The following AJAP1 variants were observed in gnomAD, a reference collection of about 807,000 sequenced individuals.
AJAP1 encodes the protein adherens junctions associated protein 1.
A neutral mutation model predicts 35.0 loss-of-function variants in AJAP1; 5 were observed. The observed-to-expected ratio is 0.14, with a 90% confidence interval of 0.07 to 0.30. AJAP1 has a LOEUF of 0.30. Ranked by LOEUF, AJAP1 falls within the 10% of genes least tolerant of loss-of-function variation. The pLI is 1.00. For missense variants in AJAP1, 586 were observed against 571.0 expected (o/e 1.03, Z -0.27); for synonymous variants, 284 against 249.3 (o/e 1.14, Z -1.31).
In AJAP1 at chr1:4,786,596, C is replaced by A. The variant is rs978705068; in HGVS notation, c.*4111C>A. ...AGGCCATATTGAAAGGTGAACGCAC[C>A]AAAGGATCGACCCTGTCACCTTGGA... is the stretch of plus-strand genomic sequence containing the variant. On this transcript the variant is annotated 3_prime_UTR_variant, in exon 6 of 6. Coordinates refer to ENST00000378191, the MANE Select transcript of AJAP1 (RefSeq NM_018836.4). 3.3e-5 allele frequency: 5 copies of A among 152,196 alleles called. No individual in the cohort carries two copies. Among genetic ancestry groups the A allele is most frequent in the Admixed American group, 6.5e-5 (1 of 15,270 alleles). 9.4% of individuals were successfully genotyped at this position (152,196 alleles called of 1,614,324 possible). A position where few individuals can be genotyped will look rare whatever the true frequency, so the allele number is the denominator to read the frequency against.
At chr1:4,688,771 CAAAAAA>C (rs5772177) in intron 1 of AJAP1, among the ~76,000 whole-genome samples, 5 of 87,950 alleles carry the variant, frequency 5.7e-5, no homozygotes, top group East Asian at 3.3e-4. Flanking sequence ...GACTCCGTCT[CAAAAAA>C]AAAAAAAAAA....
chr1:4,697,517 C>T (rs113145806), intron 1 of AJAP1, among the ~76,000 whole-genome samples: 5,685 of 152,324 alleles, frequency 0.037, 347 homozygotes, highest in African/African-American at 0.13. Context: ...GACAACTCTT[C>T]CCAGTCCTCT....
intron 5 of AJAP1, among the ~76,000 whole-genome samples, chr1:4,776,694 C>T (rs1468523995): frequency 6.6e-5 from 10 of 152,216 alleles, no homozygotes; most frequent in Admixed American, 6.5e-4. Flanking sequence ...GTGGGCTAGC[C>T]CTGTGCTGCA....
rs1570225125 is a variant in AJAP1, at chr1:4,772,398, A to G, written c.1036A>G (p.Ile346Val). ...PSARVPSSLD[I>V]FTAYNETLQC... is the part of the protein sequence containing the mutation. ...GGCCCGGGTGCCCAGCAGCCTGGAC[A>G]TATTCACGGCCTATAACGAGACCCT... The change falls in exon 4 of 6, where the codon ATA becomes GTA. Residue 346 changes from isoleucine (I) to valine (V), a missense_variant. Coordinates refer to ENST00000378191, the MANE Select transcript of AJAP1 (RefSeq NM_018836.4). 2 of 1,614,244 alleles carry G rather than the reference A, an allele frequency of 1.2e-6. No individual in the cohort carries two copies. The highest frequency in any genetic ancestry group is 1.7e-5 in the Admixed American group (1 of 60,024).
At chr1:4,766,412 C>G (rs921368358) in intron 2 of AJAP1, among the ~76,000 whole-genome samples, 1 of 152,244 alleles carries the variant, frequency 6.6e-6, no homozygotes, top group Non-Finnish European at 1.5e-5. Flanking sequence ...AAACACCACA[C>G]GACTTCTCCC....
intron 1 of AJAP1, among the ~76,000 whole-genome samples, chr1:4,691,857 C>G (rs1000816060): frequency 6.6e-6 from 1 of 152,164 alleles, no homozygotes; most frequent in African/African-American, 2.4e-5. Flanking sequence ...GCAGGGAGCC[C>G]TGCCTCTTCC....
intron 1 of AJAP1, among the ~76,000 whole-genome samples, chr1:4,683,566 A>T (rs1639535099): frequency 1.3e-5 from 2 of 152,372 alleles, no homozygotes; most frequent in East Asian, 3.9e-4. Flanking sequence ...TCAGGAAAGC[A>T]AAGAAATGTA....
At chr1:4,727,475 G>A (rs1016289614) in intron 2 of AJAP1, among the ~76,000 whole-genome samples, 4 of 152,222 alleles carry the variant, frequency 2.6e-5, no homozygotes, top group African/African-American at 9.6e-5. Flanking sequence ...CGCTGACCCC[G>A]TCTGTGTCTG....
At chr1:4,722,058 A>G (rs1049337284) in intron 2 of AJAP1, among the ~76,000 whole-genome samples, 1 of 152,194 alleles carries the variant, frequency 6.6e-6, no homozygotes, top group Non-Finnish European at 1.5e-5. Flanking sequence ...CGTCTGCCAC[A>G]CCAGCTGGGA....
chr1:4,696,622 C>T (rs1639866138), intron 1 of AJAP1, among the ~76,000 whole-genome samples: 1 of 152,230 alleles, frequency 6.6e-6, no homozygotes, highest in African/African-American at 2.4e-5. Flanking sequence ...ATTTCACAGC[C>T]AGGCTGCAGA....
chr1:4,731,120 G>A (rs930349062), intron 2 of AJAP1, among the ~76,000 whole-genome samples: 7 of 151,970 alleles, frequency 4.6e-5, no homozygotes, highest in South Asian at 2.1e-4. Flanking sequence ...TTGCTCTGTC[G>A]CCCAGGCTAG....
chr1:4,776,167 C>G (rs573138214), intron 5 of AJAP1, among the ~76,000 whole-genome samples: 3 of 152,222 alleles, frequency 2.0e-5, no homozygotes, highest in African/African-American at 7.2e-5. Flanking sequence ...GATGTTTGCA[C>G]GGCAGCTCGT....
chr1:4,664,945 G>A (rs568801558), intron 1 of AJAP1, among the ~76,000 whole-genome samples: 64 of 152,266 alleles, frequency 4.2e-4, no homozygotes, highest in African/African-American at 1.4e-3. Flanking sequence ...TGTATTTGGC[G>A]TGTTAGCAAG....
intron 1 of AJAP1, among the ~76,000 whole-genome samples, chr1:4,657,320 C>G (rs533551139): frequency 1.3e-5 from 2 of 152,198 alleles, no homozygotes; most frequent in Admixed American, 6.5e-5. Context: ...CCCTCGATGT[C>G]AGCACAGGAG....
chr1:4,756,922 G>A (rs938278082), intron 2 of AJAP1, among the ~76,000 whole-genome samples: 16 of 152,226 alleles, frequency 1.1e-4, no homozygotes, highest in African/African-American at 3.9e-4. Context: ...ACCTCAGGCT[G>A]CCCCTAGCCC....
chr1:4,711,422 G>A (rs1640231327), intron 1 of AJAP1, among the ~76,000 whole-genome samples: 1 of 152,230 alleles, frequency 6.6e-6, no homozygotes, highest in African/African-American at 2.4e-5. Context: ...CCTGGGCTAT[G>A]TAGAGGAAAG....
Position 4,693,746 on chromosome 1 carries a change from G to A in AJAP1, c.30-18154G>A, listed in dbSNP as rs1425993455. On this transcript the variant is annotated intron_variant, in intron 1 of 5. Coordinates refer to ENST00000378191, the MANE Select transcript of AJAP1 (RefSeq NM_018836.4). The surrounding 1 kb of genome is among the most constrained non-coding windows in gnomAD (Gnocchi z 4.4). ...GGCCCACGTCTCGCTGGGGCTTCTT[G>A]CTGTGTAATCCCGTGGTGGAAGCAG... is the stretch of plus-strand genomic sequence containing the variant. Among the ~76,000 whole-genome samples, 1 of 152,204 alleles carries A rather than the reference G, an allele frequency of 6.6e-6. No individual in the cohort carries two copies.
At chr1:4,687,856 C>G (rs1189651981) in intron 1 of AJAP1, among the ~76,000 whole-genome samples, 2 of 152,234 alleles carry the variant, frequency 1.3e-5, no homozygotes, top group African/African-American at 2.4e-5. Context: ...CGCCAGGCCT[C>G]TGTGTGGGAG....
At chr1:4,731,326 C>T (rs920219670) in intron 2 of AJAP1, among the ~76,000 whole-genome samples, 1 of 152,218 alleles carries the variant, frequency 6.6e-6, no homozygotes, top group Non-Finnish European at 1.5e-5. Flanking sequence ...GGTGATCCAC[C>T]TGCCTCAGCC....
Sources: gnomAD v4.1 joint callset for allele counts (sites outside exome capture counted in the v4.1 genomes callset) on GRCh38, gnomAD v4.1.1 for gene constraint, Gnocchi (gnomAD v3.1) non-coding constraint, MANE v1.5 for transcripts, NCBI Gene and HGNC (gene_info 2026-07-23, HGNC 2026-07-21) for gene names.